The following TOX variants were observed in gnomAD, a reference collection of about 807,000 sequenced individuals.
The protein encoded by TOX is thymocyte selection-associated high mobility group box protein TOX.
A neutral mutation model predicts 53.7 loss-of-function variants in TOX; 11 were observed. The observed-to-expected ratio is 0.20, with a 90% CI of 0.13 to 0.34. The LOEUF is 0.34. Ranked by LOEUF, TOX falls within the 10% of genes least tolerant of loss-of-function variation. The pLI is 1.00. For missense variants in TOX, 570 were observed against 664.6 expected (o/e 0.86, Z 1.56); for synonymous variants, 225 against 245.3 (o/e 0.92, Z 0.77).
chr8:59,053,639 A>T (rs568821581), intron 1 of TOX, among the ~76,000 whole-genome samples: 1 of 152,332 alleles, frequency 6.6e-6, no homozygotes, highest in South Asian at 2.1e-4. Flanking sequence ...GTTATTGCTC[A>T]AGAGTCACTG....
chr8:58,902,302 A>C (rs983951812), intron 3 of TOX, among the ~76,000 whole-genome samples: 1 of 152,208 alleles, frequency 6.6e-6, no homozygotes, highest in Non-Finnish European at 1.5e-5. Context: ...GAAGAAGAAC[A>C]ATGCCTCTAT....
chr8:59,056,673 A>T (rs989903730), intron 1 of TOX, among the ~76,000 whole-genome samples: 1 of 152,200 alleles, frequency 6.6e-6, no homozygotes, highest in African/African-American at 2.4e-5. Flanking sequence ...AAAAATGCAC[A>T]TCAATGCAGA....
intron 3 of TOX, among the ~76,000 whole-genome samples, chr8:58,929,096 C>T (rs1243604527): frequency 6.6e-6 from 1 of 152,028 alleles, no homozygotes; most frequent in Non-Finnish European, 1.5e-5. Context: ...GAAGTTTAAT[C>T]CTCTCTCTGT....
chr8:59,093,390 G>GAT (rs1804659045), intron 1 of TOX, among the ~76,000 whole-genome samples: 1 of 152,176 alleles, frequency 6.6e-6, no homozygotes, highest in South Asian at 2.1e-4. Context: ...CCAAGCACAG[G>GAT]TGGTGGTAGG....
chr8:58,892,402 GT>G (rs1811573609), intron 3 of TOX, among the ~76,000 whole-genome samples: 1 of 152,152 alleles, frequency 6.6e-6, no homozygotes, highest in Non-Finnish European at 1.5e-5. Context: ...AGTCAGTTGA[GT>G]TTTTCCAGTG....
At chr8:58,849,434 A>G (rs1321402621) in intron 4 of TOX, among the ~76,000 whole-genome samples, 1 of 152,208 alleles carries the variant, frequency 6.6e-6, no homozygotes, top group African/African-American at 2.4e-5. Context: ...TTATTTCAAG[A>G]TGTGGATATT....
At chr8:58,871,732 T>C (rs2594959) in intron 3 of TOX, among the ~76,000 whole-genome samples, 36,335 of 152,028 alleles carry the variant, frequency 0.24, 5,068 homozygotes, top group African/African-American at 0.4. Context: ...TTTCTCACTA[T>C]TGTGGTGGGT....
chr8:58,851,158 G>GTCTCTCTCTCTCTCTCTC lies in TOX; in HGVS notation c.693+348_693+365dup, dbSNP rs560478337. Among the ~76,000 whole-genome samples, 6 of 118,292 alleles carry GTCTCTCTCTCTCTCTCTC rather than the reference G, an allele frequency of 5.1e-5. No homozygotes were observed. Among genetic ancestry groups the GTCTCTCTCTCTCTCTCTC allele is most frequent in the Admixed American group, 1.7e-4 (2 of 11,996 alleles). 77.6% of individuals were successfully genotyped at this position (118,292 alleles called of 152,430 possible). A position where few individuals can be genotyped will look rare whatever the true frequency, so the allele number is the denominator to read the frequency against. On this transcript the variant is annotated intron_variant, in intron 4 of 8. Transcript: ENST00000361421. This position sits in a 1 kb window ranked among gnomAD's most constrained non-coding sequence, Gnocchi z 4.4. ...CACCATACATCTCCTCTCTCTCTCTGTCTCTCTCTCTCTCTCTCTCTCTCT... is the reference window on the plus strand; with the variant it reads ...CACCATACATCTCCTCTCTCTCTCTGTCTCTCTCTCTCTCTCTCTCTCTCTCTCTCTCTCTCTCTCTCT...
intron 1 of TOX, among the ~76,000 whole-genome samples, chr8:59,048,443 T>C (rs1460223409): frequency 1.3e-5 from 2 of 152,296 alleles, no homozygotes; most frequent in South Asian, 2.1e-4. Context: ...TGTGAAGACA[T>C]TGAAACATCA....
chr8:58,830,585 T>C (rs894156269), intron 5 of TOX, among the ~76,000 whole-genome samples: 3 of 152,212 alleles, frequency 2.0e-5, no homozygotes, highest in African/African-American at 7.2e-5. Flanking sequence ...TACTTTCTGC[T>C]TCTTCCCTAA....
Position 58,851,604 on chromosome 8 carries a change from G to A in TOX, c.613C>T (p.Pro205Ser), listed in dbSNP as rs1243103189. ...GCAGACTTGCTTCCAGGTGGAGATGGTGAGTTGTGGGGAACATTGCTTCCT... is the reference window on the plus strand; with the variant it reads ...GCAGACTTGCTTCCAGGTGGAGATGATGAGTTGTGGGGAACATTGCTTCCT... ...MGGSNVPHNSPSPPGSKSATP... is the reference protein window; with the variant it reads ...MGGSNVPHNSSSPPGSKSATP... The change falls in exon 4 of 9, where the codon CCA (proline) becomes TCA (serine). Residue 205 changes from proline (P) to serine (S), a missense_variant. Pro to Ser is a moderately conservative substitution (Grantham distance 74). Coordinates refer to ENST00000361421, the MANE Select transcript of TOX (RefSeq NM_014729.3). This position sits in a 1 kb window ranked among gnomAD's most constrained non-coding sequence, Gnocchi z 4.4. 1.9e-6 allele frequency: 3 copies of A among 1,613,630 alleles called. No individual in the cohort carries two copies. The highest frequency in any genetic ancestry group is 3.3e-5 in the Admixed American group (2 of 59,932).
rs1554547191 is a variant in TOX at position 59,107,048 on chromosome 8, G to GT, written c.102+11837_102+11838insA. On this transcript the variant is annotated intron_variant, in intron 1 of 8. Coordinates refer to ENST00000361421, the MANE Select transcript of TOX (RefSeq NM_014729.3). ...AATGATCTTATAAAGCAGTTTGCTG[G>GT]GGGGGGGGGGAACGTGACATTTCTA... is the stretch of plus-strand genomic sequence containing the variant. Among the ~76,000 whole-genome samples, 419 of 96,722 alleles carry GT rather than the reference G, an allele frequency of 4.3e-3. 66 individuals carry two copies. Among genetic ancestry groups the GT allele is most frequent in the African/African-American group, 0.013 (397 of 29,668 alleles). 63.5% of individuals were successfully genotyped at this position (96,722 alleles called of 152,430 possible).
chr8:59,046,294 T>C (rs1171317854), intron 1 of TOX, among the ~76,000 whole-genome samples: 1 of 152,184 alleles, frequency 6.6e-6, no homozygotes, highest in Non-Finnish European at 1.5e-5. Flanking sequence ...GAATTAATAA[T>C]GGCACTGCAG....
chr8:58,945,372 G>A (rs1380488278), intron 2 of TOX, among the ~76,000 whole-genome samples: 1 of 152,138 alleles, frequency 6.6e-6, no homozygotes, highest in Non-Finnish European at 1.5e-5. Context: ...GACTGAGATT[G>A]GGAAAGTAAT....
intron 2 of TOX, among the ~76,000 whole-genome samples, chr8:58,950,961 A>G (rs1812611774): frequency 6.6e-6 from 1 of 152,220 alleles, no homozygotes; most frequent in Non-Finnish European, 1.5e-5. Flanking sequence ...CAAGTATGAA[A>G]TTACTGCTTT....
At chr8:58,854,815 G>A (rs1810887006) in intron 3 of TOX, among the ~76,000 whole-genome samples, 1 of 152,142 alleles carries the variant, frequency 6.6e-6, no homozygotes, top group South Asian at 2.1e-4. Flanking sequence ...ATTAGGAGGA[G>A]TATTTCCACT....
chr8:58,949,426 C>A (rs1319061808), intron 2 of TOX, among the ~76,000 whole-genome samples: 1 of 152,140 alleles, frequency 6.6e-6, no homozygotes, highest in Non-Finnish European at 1.5e-5. Context: ...CCACTTATTT[C>A]CTTAGGATAA....
chr8:58,914,837 G>C (rs1472787911), intron 3 of TOX, among the ~76,000 whole-genome samples: 1 of 151,808 alleles, frequency 6.6e-6, no homozygotes, highest in East Asian at 2.0e-4. Flanking sequence ...GCAGGCCAGT[G>C]TGTGCGCGCA....
chr8:58,918,860 C>T (rs1812023559), intron 3 of TOX, among the ~76,000 whole-genome samples: 1 of 150,074 alleles, frequency 6.7e-6, no homozygotes. Flanking sequence ...AGCAAAGTCT[C>T]AGGATACAAA....
Sources: allele counts gnomAD v4.1 joint callset (sites outside exome capture counted in the v4.1 genomes callset), GRCh38; gene constraint gnomAD v4.1.1; non-coding constraint Gnocchi (gnomAD v3.1); transcripts MANE v1.5; gene names NCBI Gene and HGNC (gene_info 2026-07-23, HGNC 2026-07-21).